ZNF180: variants seen among roughly 807,000 people sequenced by gnomAD.
ZNF180 encodes the protein zinc finger protein 180 (HHZ168).
In ZNF180, 11 loss-of-function variants were observed where a neutral mutation model predicts 11.8. The ratio of observed to expected loss-of-function variants is 0.93; its 90% CI spans 0.59 to 1.55. The LOEUF (loss-of-function observed/expected upper bound fraction) is 1.55. Among genes scored for constraint, ZNF180 ranks in the 40% most tolerant of loss-of-function variants. ZNF180 has a pLI of 0.00. For synonymous variants in ZNF180, 287 were observed against 257.7 expected (o/e 1.11, Z -1.09); for missense variants, 773 against 781.7 (o/e 0.99, Z 0.13).
chr19:44,493,434 C>G (rs13344684), intron 2 of ZNF180, among the ~76,000 whole-genome samples: 46,561 of 152,160 alleles, frequency 0.31, 7,923 homozygotes, highest in African/African-American at 0.44. Flanking sequence ...GACTTTGGCT[C>G]CCTTGATTTT....
Position 44,477,502 on chromosome 19 carries a change from T to C in ZNF180, c.898A>G (p.Ser300Gly), listed in dbSNP as rs750212866. ...NEQQRIPFEE[S>G]QYKCSETSHS... ...GAGGTTTCACTACATTTATATTGAC[T>C]CTCTTCAAAAGGAATTCTCTGTTGT... The change falls in exon 5 of 5, where the codon AGT becomes GGT. Residue 300 changes from serine to glycine, a missense_variant. Ser to Gly is a moderately conservative substitution (Grantham distance 56). Coordinates refer to ENST00000592529, the MANE Select transcript of ZNF180 (RefSeq NM_001278509.3). The C allele has an allele frequency of 6.2e-7, 1 of 1,614,128 alleles. No homozygotes were observed. Among genetic ancestry groups the C allele is most frequent in the Non-Finnish European group, 8.5e-7 (1 of 1,180,014 alleles).
intron 2 of ZNF180, among the ~76,000 whole-genome samples, chr19:44,491,611 C>T (rs1273984328): frequency 6.6e-6 from 1 of 152,166 alleles, no homozygotes; most frequent in South Asian, 2.1e-4. Context: ...CATTTTGTTG[C>T]CTAAGCTGGA....
chr19:44,478,215 C>G, intron 4 of ZNF180, 69 bp from the exon 5 acceptor site: 1 of 1,419,330 alleles, frequency 7.0e-7, no homozygotes, highest in Non-Finnish European at 9.3e-7. Context: ...ATAAAGCTAA[C>G]AAGAAAGTAT....
chr19:44,500,133 C>G, intron 1 of ZNF180, 142 bp downstream of exon 1: 1 of 1,611,404 alleles, frequency 6.2e-7, no homozygotes, highest in Non-Finnish European at 8.5e-7. Flanking sequence ...GTAACTCCAT[C>G]AACCCCGGTG....
Position 44,474,899 on chromosome 19 carries a change from C to T in ZNF180, c.*1503G>A, listed in dbSNP as rs1448310428. On this transcript the variant is annotated 3_prime_UTR_variant, in exon 5 of 5. Coordinates refer to ENST00000592529, the MANE Select transcript of ZNF180 (RefSeq NM_001278509.3). ...TCAGCAACTGTTTTCCCAGACCTGA[C>T]ACTGCCAGGTGTGCAACAATCTCTG... The T allele has an allele frequency of 1.3e-5, 2 of 152,368 alleles. No homozygotes were observed. The highest frequency in any genetic ancestry group is 2.9e-5 in the Non-Finnish European group (2 of 68,036). The allele number at this position is 152,368 out of a possible 1,614,324, so 9.4% of individuals were successfully genotyped here. A position where few individuals can be genotyped will look rare whatever the true frequency, so the allele number is the denominator to read the frequency against.
intron 2 of ZNF180, among the ~76,000 whole-genome samples, chr19:44,488,355 A>G (rs1970303674): frequency 6.6e-6 from 1 of 151,864 alleles, no homozygotes; most frequent in East Asian, 1.9e-4. Context: ...GGCTCACTGC[A>G]ACCTCCCTGC....
At chr19:44,500,219 T>C in intron 1 of ZNF180, 56 bp downstream of exon 1, 1 of 1,614,114 alleles carries the variant, frequency 6.2e-7, no homozygotes, top group East Asian at 2.2e-5. Context: ...GCTTCCCGCG[T>C]AGACCCTGCG....
At chr19:44,478,214 A>C (rs768354346) in intron 4 of ZNF180, 68 bp from the exon 5 acceptor site, 23 of 1,423,506 alleles carry the variant, frequency 1.6e-5, no homozygotes, top group Non-Finnish European at 2.1e-5. Flanking sequence ...AATAAAGCTA[A>C]CAAGAAAGTA....
chr19:44,499,056 A>G (rs1055767077), intron 1 of ZNF180, among the ~76,000 whole-genome samples: 9 of 152,174 alleles, frequency 5.9e-5, no homozygotes, highest in African/African-American at 2.2e-4. Flanking sequence ...AGGTACCCAC[A>G]GCCTCTGTGT....
At chr19:44,478,294 A>G (rs1270116399) in intron 4 of ZNF180, 148 bp from the exon 5 acceptor site, 2 of 754,822 alleles carry the variant, frequency 2.6e-6, no homozygotes, top group Non-Finnish European at 4.1e-6. Flanking sequence ...AAAGGGTGAG[A>G]TAAAGTATTA....
At position 44,495,164 on chromosome 19, in the gene ZNF180, A is replaced by T. The variant is rs190336718; in HGVS notation, c.51+2120T>A. ...GCAAGGCGCCTGGCTCCAGTCCCTTATATATACACTTACTTATCTGATCTA... is the reference window on the plus strand; with the variant it reads ...GCAAGGCGCCTGGCTCCAGTCCCTTTTATATACACTTACTTATCTGATCTA... On this transcript the variant is annotated intron_variant, in intron 2 of 4. Coordinates refer to ENST00000592529, the MANE Select transcript of ZNF180 (RefSeq NM_001278509.3). The surrounding 1 kb of genome is among the most constrained non-coding windows in gnomAD (Gnocchi z 4.5). 2.1e-3 allele frequency among the ~76,000 whole-genome samples: 324 copies of T among 152,190 alleles called. No homozygotes were observed. The highest frequency in any genetic ancestry group is 7.5e-3 in the African/African-American group (313 of 41,504).
intron 3 of ZNF180, 158 bp from the exon 4 acceptor site, chr19:44,479,567 G>A (rs1346669647): frequency 1.1e-6 from 1 of 926,528 alleles, no homozygotes; most frequent in African/African-American, 1.7e-5. Flanking sequence ...ATGTACAGGT[G>A]CCTTCTGGGT....
intron 2 of ZNF180, chr19:44,484,889 G>A (rs1273331852): frequency 1.8e-5 from 3 of 166,638 alleles, no homozygotes; most frequent in African/African-American, 4.8e-5. Context: ...GGCCGGGTGC[G>A]GTGGCTTACA....
At chr19:44,481,124 C>T (rs1970068852) in intron 3 of ZNF180, among the ~76,000 whole-genome samples, 1 of 152,058 alleles carries the variant, frequency 6.6e-6, no homozygotes, top group Non-Finnish European at 1.5e-5. Context: ...AATTTTAATC[C>T]AAAAGAGAAG....
chr19:44,500,073 G>T, intron 1 of ZNF180: 6 of 1,425,076 alleles, frequency 4.2e-6, no homozygotes, highest in Non-Finnish European at 4.9e-6. Flanking sequence ...ACCTGACCAA[G>T]CACCCGCGCA....
intron 2 of ZNF180, among the ~76,000 whole-genome samples, chr19:44,492,230 T>G: frequency 6.6e-6 from 1 of 152,226 alleles, no homozygotes; most frequent in East Asian, 1.9e-4. Context: ...CTGTGTATTT[T>G]TTATCTTTGT....
At chr19:44,480,611 G>A (rs1168838954) in intron 3 of ZNF180, among the ~76,000 whole-genome samples, 2 of 152,156 alleles carry the variant, frequency 1.3e-5, no homozygotes, top group African/African-American at 4.8e-5. Context: ...TTCAGATTTT[G>A]AAATATTTGC....
At chr19:44,484,220 G>A (rs1248635386) in intron 3 of ZNF180, 141 bp downstream of exon 3, 15 of 664,326 alleles carry the variant, frequency 2.3e-5, no homozygotes, top group Admixed American at 4.6e-5. Context: ...GGATGGTCTC[G>A]ATCTCCTGAC....
In ZNF180 at chr19:44,478,069, T is replaced by C; in HGVS notation, c.331A>G (p.Lys111Glu). ...TCATCCCTTGTAAACCTTTCTATCT[T>C]CACTCCATTAGCTGGTTCTTCATCA... is the stretch of plus-strand genomic sequence containing the variant. ...IFDEEPANGV[K>E]IERFTRDDPW... is the part of the protein sequence containing the mutation. Residue 111 changes from lysine (K) to glutamate (E), a missense_variant, in exon 5 of 5, where the codon AAG (lysine) becomes GAG (glutamate). Lys to Glu is a moderately conservative substitution (Grantham distance 56). Transcript: ENST00000592529. 6.2e-7 allele frequency: 1 copy of C among 1,612,900 alleles called. No homozygotes were observed. The highest frequency in any genetic ancestry group is 8.5e-7 in the Non-Finnish European group (1 of 1,179,234).
Sources: gnomAD v4.1 joint callset for allele counts (sites outside exome capture counted in the v4.1 genomes callset) on GRCh38, gnomAD v4.1.1 for gene constraint, Gnocchi (gnomAD v3.1) non-coding constraint, MANE v1.5 for transcripts, NCBI Gene and HGNC (gene_info 2026-07-23, HGNC 2026-07-21) for gene names.